ADCY5: variants seen among roughly 807,000 people sequenced by gnomAD.
The protein encoded by ADCY5 is adenylate cyclase 5.
A neutral mutation model predicts 119.7 loss-of-function variants in ADCY5; 30 were observed. The observed-to-expected ratio is 0.25, with a 90% CI of 0.19 to 0.34. The LOEUF (loss-of-function observed/expected upper bound fraction) is 0.34. ADCY5 is among the 10% of genes least tolerant of loss of function. The probability of loss-of-function intolerance (pLI) is 1.00; values close to 1 mark genes in which losing one functional copy is unlikely to be tolerated. For missense variants in ADCY5, 1,324 were observed against 1,775.2 expected (o/e 0.75, Z 4.57); for synonymous variants, 753 against 762.2 (o/e 0.99, Z 0.20).
intron 1 of ADCY5, among the ~76,000 whole-genome samples, chr3:123,387,887 C>T (rs1364410754): frequency 6.6e-6 from 1 of 152,114 alleles, no homozygotes; most frequent in African/African-American, 2.4e-5. Flanking sequence ...CACACAGGAG[C>T]ACCAGAAAGG....
chr3:123,297,109 A>C, intron 16 of ADCY5: 1 of 1,481,194 alleles, frequency 6.8e-7, no homozygotes, highest in Non-Finnish European at 9.1e-7. Context: ...GGATGATCTG[A>C]AGCCGGTGAT....
intron 3 of ADCY5, among the ~76,000 whole-genome samples, chr3:123,346,558 G>C (rs548243898): frequency 2.0e-5 from 3 of 150,548 alleles, no homozygotes; most frequent in East Asian, 2.0e-4. Flanking sequence ...TTCTCATTCT[G>C]CCTGAAGAAA....
At chr3:123,420,605 C>T (rs187584971) in intron 1 of ADCY5, among the ~76,000 whole-genome samples, 89 of 152,288 alleles carry the variant, frequency 5.8e-4, no homozygotes, top group South Asian at 2.9e-3. Context: ...AGGCTTGAGG[C>T]CAGCCAAAGC....
chr3:123,301,045 C>T (rs1190443397), intron 14 of ADCY5, among the ~76,000 whole-genome samples: 1 of 151,882 alleles, frequency 6.6e-6, no homozygotes, highest in Admixed American at 6.6e-5. Flanking sequence ...GGGGAAGCCC[C>T]TTCTGGTCTC....
At chr3:123,331,752 TG>T (rs144869944) in intron 4 of ADCY5, among the ~76,000 whole-genome samples, 9,690 of 152,242 alleles carry the variant, frequency 0.064, 784 homozygotes, top group African/African-American at 0.17. Context: ...CCTTGTGGCC[TG>T]GACTCATTTG....
chr3:123,385,119 TAA>T (rs1944175323), intron 1 of ADCY5, among the ~76,000 whole-genome samples: 8 of 151,374 alleles, frequency 5.3e-5, no homozygotes, highest in Non-Finnish European at 1.2e-4. Flanking sequence ...GGTAAGTAAA[TAA>T]ACAAGCAAGA....
At chr3:123,388,918 G>A (rs902350427) in intron 1 of ADCY5, among the ~76,000 whole-genome samples, 2 of 152,172 alleles carry the variant, frequency 1.3e-5, no homozygotes, top group African/African-American at 4.8e-5. Flanking sequence ...ATGGAGGCAC[G>A]CCAGGGAGTG....
At chr3:123,443,293 C>T (rs1945754039) in intron 1 of ADCY5, among the ~76,000 whole-genome samples, 1 of 152,104 alleles carries the variant, frequency 6.6e-6, no homozygotes, top group African/African-American at 2.4e-5. Flanking sequence ...AGGTCGAGGT[C>T]CGAAGAACCA....
chr3:123,405,140 C>A (rs1238673179), intron 1 of ADCY5, among the ~76,000 whole-genome samples: 1 of 152,210 alleles, frequency 6.6e-6, no homozygotes, highest in Non-Finnish European at 1.5e-5. Flanking sequence ...CTGGAGCAGC[C>A]CTGAAAACAG....
At position 123,426,316 on chromosome 3, in the gene ADCY5, T is replaced by TTTTTTG. The variant is rs745713340; in HGVS notation, c.1134+21095_1134+21096insCAAAAA. On this transcript the variant is annotated intron_variant, in intron 1 of 20. Transcript: ENST00000462833. The stretch of plus-strand genomic sequence containing the variant: ...TCTTTTGTGTTTTTTTTTTGTTTGT[T>TTTTTTG]TTTGTTTGTTTGTTTGTTTGTTTTT... Among the ~76,000 whole-genome samples, 53 of 145,788 alleles carry TTTTTTG rather than the reference T, an allele frequency of 3.6e-4. 1 individual carries two copies. Among genetic ancestry groups the TTTTTTG allele is most frequent in the South Asian group, 6.5e-4 (3 of 4,612 alleles).
chr3:123,284,160 T>A lies in ADCY5; in HGVS notation c.*448A>T, dbSNP rs912564773. On this transcript the variant is annotated 3_prime_UTR_variant, in exon 21 of 21. Coordinates refer to ENST00000462833, the MANE Select transcript of ADCY5 (RefSeq NM_183357.3). Reference sequence around the variant, plus strand: ...GTGCAGGGTGGTGGCCTGTCTGAAGTTTAAAGGCTCACATAGAAAAGCAGA... The same window carrying A: ...GTGCAGGGTGGTGGCCTGTCTGAAGATTAAAGGCTCACATAGAAAAGCAGA... 4 of 162,876 alleles carry A rather than the reference T, an allele frequency of 2.5e-5. No individual in the cohort carries two copies. Among genetic ancestry groups the A allele is most frequent in the Non-Finnish European group, 4.0e-5 (3 of 74,600 alleles). The allele number at this position is 162,876 out of a possible 1,614,324, so 10.1% of individuals were successfully genotyped here.
chr3:123,328,574 A>G, intron 6 of ADCY5, 70 bp downstream of exon 6: 2 of 1,495,104 alleles, frequency 1.3e-6, no homozygotes, highest in Non-Finnish European at 9.2e-7. Flanking sequence ...CCTCTGCAGG[A>G]TGGTCACCCT....
chr3:123,437,427 A>G (rs1945638231), intron 1 of ADCY5, among the ~76,000 whole-genome samples: 1 of 152,210 alleles, frequency 6.6e-6, no homozygotes. Context: ...GTACATGCCC[A>G]GGGGATATGG....
intron 1 of ADCY5, among the ~76,000 whole-genome samples, chr3:123,414,555 A>C (rs557069314): frequency 5.1e-4 from 78 of 151,922 alleles, no homozygotes; most frequent in Non-Finnish European, 1.6e-4. Context: ...GCTTGACCTT[A>C]TGGCTTACCT....
At chr3:123,325,543 G>A in intron 7 of ADCY5, 81 bp from the exon 8 acceptor site, 4 of 1,569,550 alleles carry the variant, frequency 2.5e-6, no homozygotes, top group Non-Finnish European at 3.5e-6. Flanking sequence ...ATCGTACCTG[G>A]CCAGGTAAGG....
chr3:123,321,223 G>A (rs774856281), intron 8 of ADCY5, among the ~76,000 whole-genome samples: 3 of 152,066 alleles, frequency 2.0e-5, no homozygotes, highest in Non-Finnish European at 4.4e-5. Flanking sequence ...ACATCACACC[G>A]AGCACACATA....
chr3:123,338,856 A>G (rs1183830880), intron 3 of ADCY5, among the ~76,000 whole-genome samples: 1 of 152,144 alleles, frequency 6.6e-6, no homozygotes, highest in African/African-American at 2.4e-5. Flanking sequence ...CTTGCTGCCA[A>G]CAGGCCCATG....
chr3:123,323,733 C>T (rs1342655707), intron 8 of ADCY5, among the ~76,000 whole-genome samples: 5 of 152,150 alleles, frequency 3.3e-5, no homozygotes, highest in Non-Finnish European at 7.3e-5. Context: ...GATCATGGCT[C>T]ACTGCAACCT....
intron 11 of ADCY5, among the ~76,000 whole-genome samples, chr3:123,317,128 A>C (rs910440127): frequency 1.3e-5 from 2 of 152,128 alleles, no homozygotes; most frequent in African/African-American, 4.8e-5. Flanking sequence ...TCTAATGTGA[A>C]TGACAATTTA....
Sources: gnomAD v4.1 joint callset for allele counts (sites outside exome capture counted in the v4.1 genomes callset) on GRCh38, gnomAD v4.1.1 for gene constraint, MANE v1.5 for transcripts, NCBI Gene and HGNC (gene_info 2026-07-23, HGNC 2026-07-21) for gene names.